Variants in BABAM2 observed in about 807,000 individuals in gnomAD.
BABAM2 encodes the protein BRISC and BRCA1-A complex member 2.
In BABAM2, 31 loss-of-function variants were observed where a neutral mutation model predicts 54.7. The ratio of observed to expected loss-of-function variants is 0.57; its 90% confidence interval spans 0.43 to 0.77. The LOEUF is 0.77. Ranked by LOEUF, BABAM2 falls within the 30% of genes least tolerant of loss-of-function variation. The probability of loss-of-function intolerance (pLI) is 0.00; values close to 1 mark genes in which losing one functional copy is unlikely to be tolerated. For missense variants in BABAM2, 364 were observed against 455.8 expected (o/e 0.80, Z 1.83); for synonymous variants, 167 against 162.9 (o/e 1.03, Z -0.19).
chr2:28,204,245 A>G (rs148943466), intron 7 of BABAM2, among the ~76,000 whole-genome samples: 165 of 152,238 alleles, frequency 1.1e-3, no homozygotes, highest in African/African-American at 3.8e-3. Context: ...AGAAATCCTT[A>G]TTATTTATCC....
chr2:27,916,212 G>A (rs1316199123), intron 2 of BABAM2, among the ~76,000 whole-genome samples: 1 of 152,138 alleles, frequency 6.6e-6, no homozygotes, highest in Admixed American at 6.5e-5. Context: ...TATAAAATAT[G>A]AGCCCCAGAG....
intron 6 of BABAM2, among the ~76,000 whole-genome samples, chr2:28,112,087 TTC>T (rs1356838206): frequency 2.0e-4 from 1 of 5,018 alleles, no homozygotes; most frequent in Non-Finnish European, 4.5e-4. Context: ...CCATTACTCT[TTC>T]TTTCTTTCTT....
rs780891091 is a variant in BABAM2 at position 28,045,781 on chromosome 2, C to T, written c.552C>T (p.Ile184=). Residue 184 remains isoleucine, a synonymous_variant, in exon 6 of 12, where the codon ATC becomes ATT. Transcript: ENST00000379624. ...AGCTGCCCGTAGATTTCAGCAATAT[C>T]CCCACATACCTTCTCAAGGTAAAAA... ...LLKLPVDFSN[I]PTYLLKDVNE... 4 of 1,608,368 alleles carry T rather than the reference C, an allele frequency of 2.5e-6. No homozygotes were observed. The Admixed American group carries it at 5.0e-5, about 20-fold the overall frequency.
chr2:28,086,517 A>G (rs1047187283), intron 6 of BABAM2, among the ~76,000 whole-genome samples: 9 of 152,224 alleles, frequency 5.9e-5, no homozygotes, highest in African/African-American at 2.2e-4. Context: ...TGAGGGCTGA[A>G]AAAAGTTTTT....
At chr2:28,163,891 A>G (rs975904222) in intron 7 of BABAM2, among the ~76,000 whole-genome samples, 4 of 152,200 alleles carry the variant, frequency 2.6e-5, no homozygotes, top group African/African-American at 4.8e-5. Flanking sequence ...CCCATTGCAC[A>G]TTGCTAGATC....
chr2:28,248,254 G>A lies in BABAM2; in HGVS notation c.934+3392G>A, dbSNP rs568903441. Among the ~76,000 whole-genome samples, 44 of 94,282 alleles carry A rather than the reference G, an allele frequency of 4.7e-4. 1 individual carries two copies. Among genetic ancestry groups the A allele is most frequent in the African/African-American group, 1.7e-3 (44 of 25,506 alleles). The allele number at this position is 94,282 out of a possible 152,430, so 61.9% of individuals were successfully genotyped here. A position where few individuals can be genotyped will look rare whatever the true frequency, so the allele number is the denominator to read the frequency against. ...GACGGAGTTTTGCTCTTGTTGCCCA[G>A]GTTGGAGTGGAATGACGGGATCTCG... On this transcript the variant is annotated intron_variant, in intron 10 of 11. Coordinates refer to ENST00000379624, the MANE Select transcript of BABAM2 (RefSeq NM_199191.3).
At chr2:28,125,121 C>T (rs1004693554) in intron 6 of BABAM2, among the ~76,000 whole-genome samples, 5 of 152,058 alleles carry the variant, frequency 3.3e-5, no homozygotes, top group South Asian at 2.1e-4. Flanking sequence ...AAAAGTTGCT[C>T]AGCCTCATTC....
intron 4 of BABAM2, 31 bp from the exon 5 acceptor site, chr2:28,025,195 A>G: frequency 6.5e-7 from 1 of 1,540,334 alleles, no homozygotes; most frequent in Non-Finnish European, 8.7e-7. Context: ...TTCAGTTTTA[A>G]CTGGTCTTTT....
At chr2:28,253,050 A>G (rs1054486966) in intron 10 of BABAM2, among the ~76,000 whole-genome samples, 7 of 152,202 alleles carry the variant, frequency 4.6e-5, no homozygotes, top group African/African-American at 1.7e-4. Context: ...CATGGGCATT[A>G]TTATGTTTTG....
At chr2:28,221,575 T>C (rs533220746) in intron 7 of BABAM2, among the ~76,000 whole-genome samples, 2 of 152,328 alleles carry the variant, frequency 1.3e-5, no homozygotes, top group South Asian at 4.1e-4. Flanking sequence ...AAATAATGAA[T>C]GTATTTTTTA....
chr2:27,970,425 A>G (rs1017358245), intron 3 of BABAM2, among the ~76,000 whole-genome samples: 13 of 152,194 alleles, frequency 8.5e-5, no homozygotes, highest in African/African-American at 3.1e-4. Context: ...ACATTTTGCC[A>G]TGTTTTAGAA....
At chr2:28,265,253 T>C (rs928153217) in intron 10 of BABAM2, among the ~76,000 whole-genome samples, 3 of 152,090 alleles carry the variant, frequency 2.0e-5, no homozygotes, top group Non-Finnish European at 4.4e-5. Context: ...CTGGCCAACA[T>C]GGCAAAACCC....
chr2:28,057,081 T>C (rs1483446424), intron 6 of BABAM2, among the ~76,000 whole-genome samples: 1 of 152,238 alleles, frequency 6.6e-6, no homozygotes, highest in Non-Finnish European at 1.5e-5. Flanking sequence ...ACTTTCCAAA[T>C]ATGTCGCAGG....
chr2:28,084,206 G>A (rs751689469), intron 6 of BABAM2, among the ~76,000 whole-genome samples: 17 of 152,112 alleles, frequency 1.1e-4, no homozygotes, highest in Admixed American at 6.6e-5. Context: ...CTAAAGGTAG[G>A]AAAGTAGTAG....
chr2:28,327,146 A>T, intron 11 of BABAM2: 1 of 962,330 alleles, frequency 1.0e-6, no homozygotes, highest in South Asian at 1.8e-5. Flanking sequence ...ATCTGTGATG[A>T]ACGCCAGAGA....
intron 10 of BABAM2, among the ~76,000 whole-genome samples, chr2:28,282,244 C>G (rs536712034): frequency 6.6e-6 from 1 of 152,058 alleles, no homozygotes; most frequent in African/African-American, 2.4e-5. Context: ...ATGGAAACAT[C>G]AAAAATAAAA....
chr2:27,958,494 TGTA>T (rs2148422946), intron 3 of BABAM2, among the ~76,000 whole-genome samples: 1 of 149,412 alleles, frequency 6.7e-6, no homozygotes, highest in South Asian at 2.1e-4. Context: ...TGTTTATAAA[TGTA>T]TATATATAAC....
At position 28,322,381 on chromosome 2, in the gene BABAM2, A is replaced by G. The variant is rs190163529; in HGVS notation, c.1089-16069A>G. Among the ~76,000 whole-genome samples, 246 of 152,326 alleles carry G rather than the reference A, an allele frequency of 1.6e-3. No individual in the cohort carries two copies. The highest frequency in any genetic ancestry group is 2.4e-3 in the Non-Finnish European group (162 of 68,018). On this transcript the variant is annotated intron_variant, in intron 11 of 11. Transcript: ENST00000379624. The surrounding 1 kb of genome is among the most constrained non-coding windows in gnomAD (Gnocchi z 4.1). ...TATGTAAGATTGCTTCATTCCAGAG[A>G]GCAGAACTGGGATCCATGGGCAGAA...
intron 5 of BABAM2, 64 bp from the exon 6 acceptor site, chr2:28,045,661 T>C: frequency 7.0e-7 from 1 of 1,421,200 alleles, no homozygotes; most frequent in Non-Finnish European, 9.7e-7. Context: ...TGGCCTTGGC[T>C]ATAATTGTCA....
Sources: gnomAD v4.1 joint callset for allele counts (sites outside exome capture counted in the v4.1 genomes callset) on GRCh38, gnomAD v4.1.1 for gene constraint, Gnocchi (gnomAD v3.1) non-coding constraint, MANE v1.5 for transcripts, NCBI Gene and HGNC (gene_info 2026-07-23, HGNC 2026-07-21) for gene names.